Variants in RPGRIP1L observed in about 807,000 individuals in gnomAD.
The protein encoded by RPGRIP1L is RPGRIP1 like, also known as protein fantom.
RPGRIP1L carries 131 observed loss-of-function variants against 160.4 expected under a neutral mutation model. The ratio of observed to expected loss-of-function variants is 0.82; its 90% CI spans 0.71 to 0.94. The LOEUF is 0.94. Ranked by LOEUF, RPGRIP1L falls within the 40% of genes least tolerant of loss-of-function variation. RPGRIP1L has a pLI of 0.00. For missense variants in RPGRIP1L, 1,522 were observed against 1,535.8 expected (o/e 0.99, Z 0.15); for synonymous variants, 510 against 515.8 (o/e 0.99, Z 0.15).
intron 22 of RPGRIP1L, among the ~76,000 whole-genome samples, chr16:53,626,145 T>TAA (rs760491478): frequency 0.054 from 3,277 of 60,466 alleles, 114 homozygotes; most frequent in Admixed American, 0.14. Context: ...CAATAAATAC[T>TAA]AAAAAAAAAA....
At chr16:53,610,718 C>T (rs996197889) in intron 25 of RPGRIP1L, among the ~76,000 whole-genome samples, 2 of 152,198 alleles carry the variant, frequency 1.3e-5, no homozygotes, top group Admixed American at 6.5e-5. Context: ...ATACTTTATA[C>T]ATGTTGTCCA....
At chr16:53,698,089 C>T (rs1277160967) in intron 2 of RPGRIP1L, among the ~76,000 whole-genome samples, 5 of 151,566 alleles carry the variant, frequency 3.3e-5, no homozygotes, top group Admixed American at 3.3e-4. Context: ...CTCTGCCCAG[C>T]CACCCCATCT....
At chr16:53,680,734 G>A (rs534967544) in intron 6 of RPGRIP1L, among the ~76,000 whole-genome samples, 22 of 152,080 alleles carry the variant, frequency 1.4e-4, no homozygotes, top group East Asian at 3.9e-4. Context: ...ATACTTACCC[G>A]TAACTGTACA....
At chr16:53,603,236 C>T (rs1963476679) in intron 26 of RPGRIP1L, among the ~76,000 whole-genome samples, 1 of 152,252 alleles carries the variant, frequency 6.6e-6, no homozygotes, top group South Asian at 2.1e-4. Flanking sequence ...GACTCCATCC[C>T]TCTGTGGACA....
In RPGRIP1L at chr16:53,654,077, ACT is replaced by A. The variant is rs574644688; in HGVS notation, c.1700-1092_1700-1091del. ...TTCCCAGGTTCAAACGATTCTCCTG[ACT>A]CAGCCTCCCGAGTAGCTGGGATTAC... On this transcript the variant is annotated intron_variant, in intron 14 of 26. Transcript: ENST00000647211. Among the ~76,000 whole-genome samples, 9 of 152,086 alleles carry A rather than the reference ACT, an allele frequency of 5.9e-5. No homozygotes were observed. In the South Asian group the frequency reaches 8.3e-4, roughly 14 times the overall value.
intron 3 of RPGRIP1L, chr16:53,693,759 G>A (rs1970547985): frequency 6.6e-6 from 1 of 152,114 alleles, no homozygotes; most frequent in Admixed American, 6.6e-5. Flanking sequence ...ACTCTACCTG[G>A]CCCTTTAATG....
chr16:53,675,158 G>C (rs914143117), intron 6 of RPGRIP1L, 36 bp from the exon 7 acceptor site: 1 of 1,428,452 alleles, frequency 7.0e-7, no homozygotes, highest in Non-Finnish European at 9.8e-7. Context: ...AGAGACAGAA[G>C]TAAAAAACGC....
Position 53,614,516 on chromosome 16 carries a change from A to T in RPGRIP1L, c.3617-3465T>A, listed in dbSNP as rs929341875. Among the ~76,000 whole-genome samples the T allele has an allele frequency of 3.3e-5, 5 of 152,318 alleles. No homozygotes were observed. In the East Asian group the frequency reaches 9.6e-4, roughly 29 times the overall value. On this transcript the variant is annotated intron_variant, in intron 24 of 26. Transcript: ENST00000647211. ...ATTGAGAAACATTGTTTGGCCCAAC[A>T]TTCATTTGCCAAATTTTTAAATGGG...
Position 53,624,315 on chromosome 16 carries a change from G to C in RPGRIP1L, c.3295-1959C>G, listed in dbSNP as rs970005866. 2.0e-5 allele frequency among the ~76,000 whole-genome samples: 3 copies of C among 152,202 alleles called. No individual in the cohort carries two copies. The East Asian group carries it at 5.8e-4, about 29-fold the overall frequency. ...TGCCTGTAATCCCAGCACTTTGGGA[G>C]GCAGAGGCAGGCAGATCATGAGGTC... is the stretch of plus-strand genomic sequence containing the variant. On this transcript the variant is annotated intron_variant, in intron 22 of 26. Coordinates refer to ENST00000647211, the MANE Select transcript of RPGRIP1L (RefSeq NM_015272.5).
intron 7 of RPGRIP1L, 65 bp downstream of exon 7, chr16:53,674,952 T>C (rs1969034575): frequency 9.0e-7 from 1 of 1,109,490 alleles, no homozygotes; most frequent in South Asian, 1.3e-5. Context: ...AAAAAACAAC[T>C]TGAATACTAC....
At chr16:53,688,017 G>C in intron 4 of RPGRIP1L, 52 bp from the exon 5 acceptor site, 1 of 1,110,988 alleles carries the variant, frequency 9.0e-7, no homozygotes, top group Non-Finnish European at 1.4e-6. Flanking sequence ...AGAAAAGAAG[G>C]ATCTTTGATT....
rs1567830495 is a variant in RPGRIP1L at position 53,645,870 on chromosome 16, G to A, written c.2438C>T (p.Pro813Leu). The part of the protein sequence containing the change: ...QSRASHLQPH[P>L]YVVYKFFDFA... ...ATCAAAAAACTTGTACACAACATAT[G>A]GGTGTGGCTGCAGGTGGCTTGCTCG... Residue 813 changes from proline to leucine, a missense_variant, in exon 17 of 27, where the codon CCA (proline) becomes CTA (leucine). Coordinates refer to ENST00000647211, the MANE Select transcript of RPGRIP1L (RefSeq NM_015272.5). 1.2e-6 allele frequency: 2 copies of A among 1,614,142 alleles called. No individual in the cohort carries two copies. The highest frequency in any genetic ancestry group is 8.5e-7 in the Non-Finnish European group (1 of 1,180,032).
At position 53,686,509 on chromosome 16, in the gene RPGRIP1L, T is replaced by G; in HGVS notation, c.700A>C (p.Thr234Pro). ...TCATTTTCTTTTCTCCTCAACTGAG[T>G]TTTCAGGATCTCAGCCAAGTGCTCT... Reference protein sequence around the residue: ...ELEHLAEILKTQLRRKENEIE... With the variant: ...ELEHLAEILKPQLRRKENEIE... Residue 234 changes from threonine (T) to proline (P), a missense_variant, in exon 6 of 27, where the codon ACT (threonine) becomes CCT (proline). By Grantham distance (38) the Thr-to-Pro change is conservative. Coordinates refer to ENST00000647211, the MANE Select transcript of RPGRIP1L (RefSeq NM_015272.5). 1 of 1,613,418 alleles carries G rather than the reference T, an allele frequency of 6.2e-7. No individual in the cohort carries two copies. The highest frequency in any genetic ancestry group is 8.5e-7 in the Non-Finnish European group (1 of 1,179,718).
intron 22 of RPGRIP1L, chr16:53,635,394 G>T (rs1347815051): frequency 1.3e-5 from 2 of 152,098 alleles, no homozygotes; most frequent in East Asian, 3.9e-4. Context: ...CAGAAACGAT[G>T]GGTATCTCTA....
rs138381156 is a variant in RPGRIP1L, at chr16:53,653,193, T to A, written c.1700-206A>T. ...CATCACTTATTAGGCAGCAACAAAATTGCAACTTCAGTTTTAATATAGCCT... is the reference window on the plus strand; with the variant it reads ...CATCACTTATTAGGCAGCAACAAAAATGCAACTTCAGTTTTAATATAGCCT... On this transcript the variant is annotated intron_variant, in intron 14 of 26. Transcript: ENST00000647211. The A allele has an allele frequency of 4.4e-5, 24 of 543,096 alleles. No homozygotes were observed. The African/African-American group carries it at 4.5e-4, about 10-fold the overall frequency. 33.6% of individuals were successfully genotyped at this position (543,096 alleles called of 1,614,324 possible).
intron 17 of RPGRIP1L, 132 bp from the exon 18 acceptor site, chr16:53,641,607 C>T (rs1436029580): frequency 1.3e-6 from 1 of 785,752 alleles, no homozygotes; most frequent in Non-Finnish European, 2.0e-6. Context: ...TGGTTGTACC[C>T]CCTACTTTAA....
chr16:53,622,144 C>A (rs971767144), intron 23 of RPGRIP1L, 75 bp downstream of exon 23: 1 of 456,802 alleles, frequency 2.2e-6, no homozygotes, highest in East Asian at 3.8e-5. Flanking sequence ...GTGGGCGGAT[C>A]ATGAGGTCGG....
chr16:53,619,310 C>A (rs1207460986), intron 23 of RPGRIP1L, 102 bp from the exon 24 acceptor site: 2 of 1,013,228 alleles, frequency 2.0e-6, no homozygotes, highest in Non-Finnish European at 3.0e-6. Context: ...AACACGAAGG[C>A]CAATGGGCTT....
intron 26 of RPGRIP1L, among the ~76,000 whole-genome samples, chr16:53,603,674 A>ATGTGTGTGTGTGTGTGTGTGTGTG (rs3035223): frequency 2.0e-5 from 3 of 148,062 alleles, no homozygotes; most frequent in East Asian, 4.0e-4. Context: ...TTGAACTTTA[A>ATGTGTGTGTGTGTGTGTGTGTGTG]TGTGTGTGTG....
Sources: allele counts gnomAD v4.1 joint callset (sites outside exome capture counted in the v4.1 genomes callset), GRCh38; gene constraint gnomAD v4.1.1; transcripts MANE v1.5; gene names NCBI Gene and HGNC (gene_info 2026-07-23, HGNC 2026-07-21).